ACTR3B: variants seen among roughly 807,000 people sequenced by gnomAD.
ACTR3B encodes the protein actin related protein 3B.
A neutral mutation model predicts 59.0 loss-of-function variants in ACTR3B; 8 were observed. That is an observed-to-expected ratio of 0.14 (90% CI 0.08 to 0.24). ACTR3B has a LOEUF of 0.24. Ranked by LOEUF, ACTR3B falls within the 10% of genes least tolerant of loss-of-function variation. The probability of loss-of-function intolerance (pLI) is 1.00; values close to 1 mark genes in which losing one functional copy is unlikely to be tolerated. For missense variants in ACTR3B, 245 were observed against 552.3 expected (o/e 0.44, Z 5.58); for synonymous variants, 148 against 197.9 (o/e 0.75, Z 2.12).
chr7:152,811,550 G>A (rs1563117978), intron 4 of ACTR3B: 2 of 152,202 alleles, frequency 1.3e-5, no homozygotes, highest in Non-Finnish European at 2.9e-5. Context: ...TGTTTTTAAT[G>A]TATTTTATTT....
chr7:152,854,708 C>A lies in ACTR3B; in HGVS notation c.*155C>A. The A allele has an allele frequency of 1.5e-6, 1 of 685,528 alleles. No homozygotes were observed. Among genetic ancestry groups the A allele is most frequent in the Non-Finnish European group, 2.5e-6 (1 of 408,102 alleles). 42.5% of individuals were successfully genotyped at this position (685,528 alleles called of 1,614,324 possible). A position where few individuals can be genotyped will look rare whatever the true frequency, so the allele number is the denominator to read the frequency against. On this transcript the variant is annotated 3_prime_UTR_variant, in exon 12 of 12. Transcript: ENST00000256001. This position sits in a 1 kb window ranked among gnomAD's most constrained non-coding sequence, Gnocchi z 4.9. ...TGCATGAGGCGCGGCGCGGGCCCTT[C>A]AGTAAAAGCCATTTATCCGTGTGCC... is the stretch of plus-strand genomic sequence containing the variant.
intron 2 of ACTR3B, among the ~76,000 whole-genome samples, chr7:152,791,844 A>AG (rs2098197479): frequency 6.6e-6 from 1 of 152,260 alleles, no homozygotes; most frequent in African/African-American, 2.4e-5. Flanking sequence ...AACTGACAGT[A>AG]GTACATCATA....
intron 9 of ACTR3B, among the ~76,000 whole-genome samples, chr7:152,831,713 G>A (rs1404169481): frequency 3.3e-5 from 5 of 152,208 alleles, no homozygotes; most frequent in African/African-American, 4.8e-5. Flanking sequence ...GCACTAGGGT[G>A]AAGGAGAAGT....
At chr7:152,774,427 C>T (rs1160699228) in intron 1 of ACTR3B, among the ~76,000 whole-genome samples, 1 of 150,396 alleles carries the variant, frequency 6.6e-6, no homozygotes, top group Non-Finnish European at 1.5e-5. Context: ...TGAGCCACTG[C>T]ACCTGGCCTA....
intron 10 of ACTR3B, 21 bp from the exon 11 acceptor site, chr7:152,853,473 G>A (rs1407840981): frequency 6.2e-7 from 1 of 1,611,584 alleles, no homozygotes; most frequent in East Asian, 2.2e-5. Flanking sequence ...TGGGGTAAGT[G>A]AGAGCTGCTT....
At chr7:152,842,411 G>A (rs1293377446) in intron 9 of ACTR3B, among the ~76,000 whole-genome samples, 2 of 152,194 alleles carry the variant, frequency 1.3e-5, no homozygotes, top group African/African-American at 4.8e-5. Context: ...ATTTCATCAT[G>A]CTTCTCAGAA....
chr7:152,767,333 G>A (rs2098113531), intron 1 of ACTR3B, among the ~76,000 whole-genome samples: 2 of 152,102 alleles, frequency 1.3e-5, no homozygotes, highest in African/African-American at 4.8e-5. Context: ...ATTTTGTATT[G>A]TGTTGAGTTA....
Position 152,853,543 on chromosome 7 carries a change from C to G in ACTR3B, c.1127C>G (p.Ala376Gly). 6.2e-7 allele frequency: 1 copy of G among 1,613,928 alleles called. No homozygotes were observed. The highest frequency in any genetic ancestry group is 8.5e-7 in the Non-Finnish European group (1 of 1,179,966). The change falls in exon 11 of 12, where the codon GCC becomes GGC. Residue 376 changes from alanine to glycine, a missense_variant. Around this residue, in one of 7 missense-constraint regions of ACTR3B, gnomAD observed 153 missense variants for 266.2 expected, o/e 0.57. Transcript: ENST00000256001. ...QVVTHHMQRY[A>G]VWFGGSMLAS... Reference sequence around the variant, plus strand: ...GTCACGCATCACATGCAGCGCTACGCCGTGTGGTTCGGAGGCTCCATGCTG... The same window carrying G: ...GTCACGCATCACATGCAGCGCTACGGCGTGTGGTTCGGAGGCTCCATGCTG...
chr7:152,766,890 G>A (rs144699540), intron 1 of ACTR3B, among the ~76,000 whole-genome samples: 2,728 of 152,126 alleles, frequency 0.018, 79 homozygotes, highest in African/African-American at 0.06. Context: ...GGGTTCAAGC[G>A]ATTCTCCTGC....
intron 9 of ACTR3B, among the ~76,000 whole-genome samples, chr7:152,834,948 A>G (rs1323965982): frequency 6.6e-6 from 1 of 152,158 alleles, no homozygotes; most frequent in Non-Finnish European, 1.5e-5. Flanking sequence ...TGGTGTCCAG[A>G]AAGTGTCCAG....
chr7:152,774,723 T>A (rs2098132433), intron 1 of ACTR3B, among the ~76,000 whole-genome samples: 1 of 152,160 alleles, frequency 6.6e-6, no homozygotes, highest in Admixed American at 6.5e-5. Flanking sequence ...GCAAAGATAC[T>A]GGATTTGGAT....
chr7:152,772,066 AAAAAC>A (rs1349277970), intron 1 of ACTR3B, among the ~76,000 whole-genome samples: 1 of 152,322 alleles, frequency 6.6e-6, no homozygotes. Context: ...ACTCCATCTC[AAAAAC>A]AAAACAAAAC....
intron 1 of ACTR3B, among the ~76,000 whole-genome samples, chr7:152,775,839 A>G (rs117897274): frequency 0.048 from 7,248 of 152,304 alleles, 260 homozygotes; most frequent in Non-Finnish European, 0.075. Context: ...CAGGAATAGA[A>G]GGTGGATAGA....
At position 152,783,573 on chromosome 7, in the gene ACTR3B, A is replaced by G. The variant is rs565013744; in HGVS notation, c.100+331A>G. Among the ~76,000 whole-genome samples the G allele has an allele frequency of 3.9e-5, 6 of 152,122 alleles. No individual in the cohort carries two copies. In the South Asian group the frequency reaches 1.0e-3, roughly 26 times the overall value. Reference sequence around the variant, plus strand: ...TTAGCTTAGTAACTTAATGGACTGAATATCTCTTGTACTACACTATTCACT... The same window carrying G: ...TTAGCTTAGTAACTTAATGGACTGAGTATCTCTTGTACTACACTATTCACT... On this transcript the variant is annotated intron_variant, in intron 2 of 11. Transcript: ENST00000256001.
rs527737015 is a variant in ACTR3B, at chr7:152,760,064, G to T, written c.44+138G>T. 4.5e-3 allele frequency: 3,192 copies of T among 711,378 alleles called. 13 individuals are homozygous for T. Among genetic ancestry groups the T allele is most frequent in the Non-Finnish European group, 5.4e-3 (2,784 of 518,750 alleles). The allele number at this position is 711,378 out of a possible 1,614,324, so 44.1% of individuals were successfully genotyped here. On this transcript the variant is annotated intron_variant, in intron 1 of 11. Coordinates refer to ENST00000256001, the MANE Select transcript of ACTR3B (RefSeq NM_020445.6). Reference sequence around the variant, plus strand: ...GATCACCTGGGCAGGTGGGGCGCCGGCCGCCGCTTCCCTCCAAGCCTTGCC... The same window carrying T: ...GATCACCTGGGCAGGTGGGGCGCCGTCCGCCGCTTCCCTCCAAGCCTTGCC...
At chr7:152,808,326 A>T (rs1272539426) in intron 4 of ACTR3B, among the ~76,000 whole-genome samples, 5 of 151,278 alleles carry the variant, frequency 3.3e-5, no homozygotes, top group Non-Finnish European at 7.4e-5. Context: ...GCAGCAGGTT[A>T]GTTTTACTCA....
At chr7:152,767,875 T>C (rs2966527) in intron 1 of ACTR3B, among the ~76,000 whole-genome samples, 70,318 of 151,716 alleles carry the variant, frequency 0.46, 17,016 homozygotes, top group Non-Finnish European at 0.51. Flanking sequence ...AGAATGCTCA[T>C]ATTATTTGTA....
intron 1 of ACTR3B, among the ~76,000 whole-genome samples, chr7:152,772,282 G>A (rs540446056): frequency 6.1e-4 from 92 of 150,190 alleles, no homozygotes; most frequent in African/African-American, 2.1e-3. Flanking sequence ...ACTTTGGGAG[G>A]CCAAGGCAGG....
At chr7:152,782,884 G>A (rs1469311814) in intron 1 of ACTR3B, among the ~76,000 whole-genome samples, 1 of 152,126 alleles carries the variant, frequency 6.6e-6, no homozygotes, top group Non-Finnish European at 1.5e-5. Context: ...TGTAAAGATA[G>A]AGTGTAAAAG....
Sources: allele counts gnomAD v4.1 joint callset (sites outside exome capture counted in the v4.1 genomes callset), GRCh38; gene constraint gnomAD v4.1.1; regional missense constraint gnomAD v4.1.1; non-coding constraint Gnocchi (gnomAD v3.1); transcripts MANE v1.5; gene names NCBI Gene and HGNC (gene_info 2026-07-23, HGNC 2026-07-21).